The following CACNG2 variants were observed in gnomAD, a reference collection of about 807,000 sequenced individuals.
CACNG2 encodes the protein calcium voltage-gated channel auxiliary subunit gamma 2, also known as voltage-dependent calcium channel gamma-2 subunit.
A neutral mutation model predicts 25.9 loss-of-function variants in CACNG2; 3 were observed. The observed-to-expected ratio is 0.12, with a 90% CI of 0.05 to 0.30. The LOEUF (loss-of-function observed/expected upper bound fraction) is 0.30, where lower values mean the gene tolerates loss of function less well. Among genes scored for constraint, CACNG2 ranks in the 10% least tolerant of loss-of-function variants. CACNG2 has a pLI of 1.00. For synonymous variants in CACNG2, 167 were observed against 173.3 expected (o/e 0.96, Z 0.29); for missense variants, 341 against 432.5 (o/e 0.79, Z 1.88).
intron 1 of CACNG2, among the ~76,000 whole-genome samples, chr22:36,662,006 G>A (rs1397596419): frequency 1.9e-5 from 2 of 105,096 alleles, no homozygotes; most frequent in Non-Finnish European, 3.5e-5. Context: ...TTCAGACGGA[G>A]TCTCCCTCTG....
chr22:36,582,837 A>T (rs1489185455), intron 2 of CACNG2, among the ~76,000 whole-genome samples: 4 of 151,648 alleles, frequency 2.6e-5, no homozygotes, highest in Non-Finnish European at 5.9e-5. Context: ...CATTTTTTGC[A>T]GACTGCAAGT....
chr22:36,695,624 C>T (rs1183080784), intron 1 of CACNG2, among the ~76,000 whole-genome samples: 1 of 152,076 alleles, frequency 6.6e-6, no homozygotes, highest in African/African-American at 2.4e-5. Flanking sequence ...CCTGGATTAA[C>T]TCCTATTCAT....
intron 1 of CACNG2, among the ~76,000 whole-genome samples, chr22:36,687,581 CA>C: frequency 6.6e-6 from 1 of 152,220 alleles, no homozygotes; most frequent in Non-Finnish European, 1.5e-5. Context: ...GGCAGAATAA[CA>C]GCCTCCCAAA....
At chr22:36,608,204 G>C (rs1935873405) in intron 1 of CACNG2, among the ~76,000 whole-genome samples, 1 of 152,166 alleles carries the variant, frequency 6.6e-6, no homozygotes, top group Admixed American at 6.5e-5. Flanking sequence ...CAGTAGCTGG[G>C]ATTCTGAGGT....
At chr22:36,565,015 G>C (rs1935102850) in intron 3 of CACNG2, 129 bp from the exon 4 acceptor site, 1 of 784,742 alleles carries the variant, frequency 1.3e-6, no homozygotes, top group Admixed American at 1.9e-5. Flanking sequence ...GCGCCTTCAT[G>C]AACAGGTGGG....
chr22:36,695,793 A>C (rs115930367), intron 1 of CACNG2, among the ~76,000 whole-genome samples: 3,659 of 152,254 alleles, frequency 0.024, 134 homozygotes, highest in African/African-American at 0.084. Flanking sequence ...TGGGATTCAA[A>C]TAATGTGAAT....
At chr22:36,674,625 G>A (rs1185536300) in intron 1 of CACNG2, among the ~76,000 whole-genome samples, 1 of 152,172 alleles carries the variant, frequency 6.6e-6, no homozygotes, top group Non-Finnish European at 1.5e-5. Flanking sequence ...CACCGCACTT[G>A]GCCCACACCT....
intron 1 of CACNG2, among the ~76,000 whole-genome samples, chr22:36,611,913 G>A (rs931191294): frequency 1.3e-5 from 2 of 152,194 alleles, no homozygotes; most frequent in African/African-American, 2.4e-5. Context: ...AGGAGTGTCA[G>A]TGCTGCTGGC....
rs1213316107 is a variant in CACNG2, at chr22:36,606,217, A to G, written c.212-18669T>C. Among the ~76,000 whole-genome samples, 1 of 152,216 alleles carries G rather than the reference A, an allele frequency of 6.6e-6. No homozygotes were observed. The highest frequency in any genetic ancestry group is 1.5e-5 in the Non-Finnish European group (1 of 68,034). ...CCGTCCCCCAGAGCTGAGTCTTGAGAGGACCCTAGACAAATAATTAATGCA... is the reference window on the plus strand; with the variant it reads ...CCGTCCCCCAGAGCTGAGTCTTGAGGGGACCCTAGACAAATAATTAATGCA... On this transcript the variant is annotated intron_variant, in intron 1 of 3. Transcript: ENST00000300105. This position sits in a 1 kb window ranked among gnomAD's most constrained non-coding sequence, Gnocchi z 5.7.
At chr22:36,665,553 C>T (rs149547890) in intron 1 of CACNG2, among the ~76,000 whole-genome samples, 7 of 152,328 alleles carry the variant, frequency 4.6e-5, no homozygotes, top group Non-Finnish European at 1.0e-4. Context: ...GGGCAAACAA[C>T]TTGAACAGAC....
chr22:36,689,541 C>A (rs1364586938), intron 1 of CACNG2, among the ~76,000 whole-genome samples: 1 of 152,178 alleles, frequency 6.6e-6, no homozygotes, highest in Non-Finnish European at 1.5e-5. Context: ...TCAGGTCTGA[C>A]CATTCTTTGA....
chr22:36,695,505 T>G (rs1313695792), intron 1 of CACNG2, among the ~76,000 whole-genome samples: 1 of 5,330 alleles, frequency 1.9e-4, no homozygotes. Context: ...CCCACCCCTC[T>G]CAGTTTCCTA....
At chr22:36,617,223 T>C (rs984103467) in intron 1 of CACNG2, among the ~76,000 whole-genome samples, 2 of 152,250 alleles carry the variant, frequency 1.3e-5, no homozygotes, top group Non-Finnish European at 2.9e-5. Context: ...TCTTTCTTTA[T>C]GTTTCATGTT....
At chr22:36,661,966 CTTTTTTT>C (rs71193254) in intron 1 of CACNG2, among the ~76,000 whole-genome samples, 5 of 44,586 alleles carry the variant, frequency 1.1e-4, no homozygotes, top group South Asian at 1.6e-3. Flanking sequence ...CATTGCTATT[CTTTTTTT>C]TTTTTTTTTT....
rs1289124512 is a variant in CACNG2 at position 36,564,219 on chromosome 22, TTTTTTTGTTTTTTTTG to T, written c.*116_*131del. 10 of 757,990 alleles carry T rather than the reference TTTTTTTGTTTTTTTTG, an allele frequency of 1.3e-5. No individual in the cohort carries two copies. Among genetic ancestry groups the T allele is most frequent in the Non-Finnish European group, 2.0e-5 (10 of 498,026 alleles). 47.0% of individuals were successfully genotyped at this position (757,990 alleles called of 1,614,324 possible). On this transcript the variant is annotated 3_prime_UTR_variant, in exon 4 of 4. Transcript: ENST00000300105. This position sits in a 1 kb window ranked among gnomAD's most constrained non-coding sequence, Gnocchi z 6.7. ...TGTGTGTGTGTTTTTTTGTTTTTTG[TTTTTTTGTTTTTTTTG>T]TTTTTTGTTTTTGCTTTTGGAAGGT...
chr22:36,696,460 C>T (rs2093918961), intron 1 of CACNG2, among the ~76,000 whole-genome samples: 1 of 152,148 alleles, frequency 6.6e-6, no homozygotes, highest in African/African-American at 2.4e-5. Flanking sequence ...GAAGAATAAT[C>T]CTTCGGCAGT....
chr22:36,671,188 A>G (rs1331135006), intron 1 of CACNG2, among the ~76,000 whole-genome samples: 1 of 152,208 alleles, frequency 6.6e-6, no homozygotes, highest in Non-Finnish European at 1.5e-5. Flanking sequence ...AAGTGCTGGG[A>G]TTACAGGCGT....
intron 2 of CACNG2, among the ~76,000 whole-genome samples, chr22:36,577,374 G>A (rs1443161231): frequency 1.3e-5 from 2 of 152,094 alleles, no homozygotes; most frequent in Admixed American, 6.5e-5. Flanking sequence ...AACCGGGGCC[G>A]GGCGCGGTGG....
chr22:36,564,064 C>CT lies in CACNG2; in HGVS notation c.*286dup, dbSNP rs1369276977. On this transcript the variant is annotated 3_prime_UTR_variant, in exon 4 of 4. Coordinates refer to ENST00000300105, the MANE Select transcript of CACNG2 (RefSeq NM_006078.5). The surrounding 1 kb of genome is among the most constrained non-coding windows in gnomAD (Gnocchi z 6.7). ...TATTTTTAATTTTTTATCCCTCTCGCTTTTTTTTAAAGTTTGTTTTCTTCC... is the reference window on the plus strand; with the variant it reads ...TATTTTTAATTTTTTATCCCTCTCGCTTTTTTTTTAAAGTTTGTTTTCTTCC... 44 of 299,958 alleles carry CT rather than the reference C, an allele frequency of 1.5e-4. No homozygotes were observed. The East Asian group carries it at 1.6e-3, about 11-fold the overall frequency. 18.6% of individuals were successfully genotyped at this position (299,958 alleles called of 1,614,324 possible).
Sources: allele counts gnomAD v4.1 joint callset (sites outside exome capture counted in the v4.1 genomes callset), GRCh38; gene constraint gnomAD v4.1.1; non-coding constraint Gnocchi (gnomAD v3.1); transcripts MANE v1.5; gene names NCBI Gene and HGNC (gene_info 2026-07-23, HGNC 2026-07-21).